RALGPS2: variants seen among roughly 807,000 people sequenced by gnomAD.
The protein encoded by RALGPS2 is ras-specific guanine nucleotide-releasing factor RalGPS2.
RALGPS2 carries 43 observed loss-of-function variants against 86.8 expected under a neutral mutation model. The observed-to-expected ratio is 0.50, with a 90% confidence interval of 0.39 to 0.64. RALGPS2 has a LOEUF of 0.64. Ranked by LOEUF, RALGPS2 falls within the 30% of genes least tolerant of loss-of-function variation. The probability of loss-of-function intolerance (pLI) is 0.00; values close to 1 mark genes in which losing one functional copy is unlikely to be tolerated. For missense variants in RALGPS2, 536 were observed against 694.6 expected (o/e 0.77, Z 2.57); for synonymous variants, 243 against 231.3 (o/e 1.05, Z -0.46).
In RALGPS2 at chr1:178,921,251, A is replaced by C. The variant is rs1035438445; in HGVS notation, c.*4892A>C. 2 of 152,064 alleles carry C rather than the reference A, an allele frequency of 1.3e-5. No homozygotes were observed. The highest frequency in any genetic ancestry group is 4.8e-5 in the African/African-American group (2 of 41,432). The allele number at this position is 152,064 out of a possible 1,614,324, so 9.4% of individuals were successfully genotyped here. On this transcript the variant is annotated 3_prime_UTR_variant, in exon 20 of 20. Transcript: ENST00000367635. The stretch of plus-strand genomic sequence containing the variant: ...TGGGATTAAAAGAATACATAATTAC[A>C]GTGTTTTGGGATTGGGCTCTTTTTT...
chr1:178,736,750 A>C (rs1012154302), intron 1 of RALGPS2, among the ~76,000 whole-genome samples: 7 of 152,016 alleles, frequency 4.6e-5, no homozygotes, highest in African/African-American at 1.7e-4. Flanking sequence ...AAATGCAAAA[A>C]ATTAGCCAGG....
rs1647270749 is a variant in RALGPS2 at position 178,920,730 on chromosome 1, T to C, written c.*4371T>C. The stretch of plus-strand genomic sequence containing the variant: ...GTTGATGTTTTGAGCATACATTTAA[T>C]TGTAAGGCCTTTTGGAAAAGCCCTA... On this transcript the variant is annotated 3_prime_UTR_variant, in exon 20 of 20. Transcript: ENST00000367635. 6.6e-6 allele frequency: 1 copy of C among 152,192 alleles called. No homozygotes were observed. The highest frequency in any genetic ancestry group is 2.1e-4 in the South Asian group (1 of 4,826). The allele number at this position is 152,192 out of a possible 1,614,324, so 9.4% of individuals were successfully genotyped here.
chr1:178,788,666 A>C (rs1653786117), intron 4 of RALGPS2, among the ~76,000 whole-genome samples: 1 of 152,140 alleles, frequency 6.6e-6, no homozygotes, highest in Non-Finnish European at 1.5e-5. Flanking sequence ...CTAGAAGATG[A>C]GAGGTAGGGT....
intron 8 of RALGPS2, among the ~76,000 whole-genome samples, chr1:178,840,408 A>G (rs1390906265): frequency 2.0e-5 from 3 of 152,238 alleles, no homozygotes; most frequent in Admixed American, 6.5e-5. Flanking sequence ...ACTACTGGGT[A>G]CATAACAAAA....
At chr1:178,791,636 C>T (rs145934765) in intron 4 of RALGPS2, among the ~76,000 whole-genome samples, 1 of 152,256 alleles carries the variant, frequency 6.6e-6, no homozygotes, top group East Asian at 1.9e-4. Flanking sequence ...TTCTGAGTTA[C>T]GTATAATATA....
At chr1:178,826,888 T>C (rs1439201635) in intron 7 of RALGPS2, among the ~76,000 whole-genome samples, 2 of 152,144 alleles carry the variant, frequency 1.3e-5, no homozygotes, top group Non-Finnish European at 2.9e-5. Context: ...TTACAGGAAG[T>C]CATTAACAAA....
chr1:178,860,571 AT>A (rs911074694), intron 8 of RALGPS2, among the ~76,000 whole-genome samples: 9 of 152,264 alleles, frequency 5.9e-5, no homozygotes, highest in African/African-American at 2.2e-4. Flanking sequence ...AACTGTAACT[AT>A]TAAATAACCA....
rs145982526 is a variant in RALGPS2 at position 178,786,772 on chromosome 1, A to G, written c.213+1165A>G. On this transcript the variant is annotated intron_variant, in intron 4 of 19. Transcript: ENST00000367635. ...ATTTTAGTTCTTTCGGGAACAAAAT[A>G]TAGTGTATTCATTGTGCTATATACA... Among the ~76,000 whole-genome samples the G allele has an allele frequency of 4.0e-4, 61 of 152,200 alleles. No individual in the cohort carries two copies. The Middle Eastern group carries it at 0.01, about 25-fold the overall frequency.
intron 1 of RALGPS2, among the ~76,000 whole-genome samples, chr1:178,748,491 G>A (rs1388467008): frequency 6.6e-6 from 1 of 152,106 alleles, no homozygotes; most frequent in East Asian, 1.9e-4. Context: ...CAATATAAAG[G>A]AATGAACTAT....
At chr1:178,853,888 T>G (rs1277951722) in intron 8 of RALGPS2, 3 of 842,728 alleles carry the variant, frequency 3.6e-6, no homozygotes, top group Non-Finnish European at 5.2e-6. Context: ...TTGTTTACAG[T>G]TACCATTGTT....
intron 4 of RALGPS2, among the ~76,000 whole-genome samples, chr1:178,791,019 G>T (rs1306840461): frequency 6.6e-6 from 1 of 152,086 alleles, no homozygotes; most frequent in East Asian, 1.9e-4. Context: ...TTTTATGTTT[G>T]TGTCCATTAT....
intron 1 of RALGPS2, 112 bp from the exon 2 acceptor site, chr1:178,776,570 A>T: frequency 2.2e-6 from 1 of 445,570 alleles, no homozygotes; most frequent in Non-Finnish European, 4.0e-6. Context: ...CTAAGATAAT[A>T]AATAGAGTTT....
intron 16 of RALGPS2, among the ~76,000 whole-genome samples, chr1:178,896,227 A>G (rs968586230): frequency 9.2e-5 from 14 of 152,056 alleles, no homozygotes; most frequent in Non-Finnish European, 2.1e-4. Context: ...AAATGAGTTA[A>G]GTAGAAAATG....
At chr1:178,766,525 A>T (rs935667782) in intron 1 of RALGPS2, among the ~76,000 whole-genome samples, 2 of 152,056 alleles carry the variant, frequency 1.3e-5, no homozygotes, top group African/African-American at 4.8e-5. Flanking sequence ...CACCGCACCT[A>T]GTCAGTGTGT....
intron 18 of RALGPS2, among the ~76,000 whole-genome samples, chr1:178,905,487 G>A (rs776713686): frequency 6.0e-4 from 91 of 152,274 alleles, no homozygotes; most frequent in Admixed American, 1.1e-3. Context: ...TTCAGCAAGT[G>A]TAACGGTGTT....
At chr1:178,853,761 T>A (rs1000561357) in intron 8 of RALGPS2, 2 of 1,603,800 alleles carry the variant, frequency 1.2e-6, no homozygotes, top group Admixed American at 1.7e-5. Context: ...CCAGCTTCTT[T>A]TGCTTGCTGA....
At chr1:178,886,209 CAG>C in intron 13 of RALGPS2, 89 bp downstream of exon 13, 1 of 1,363,892 alleles carries the variant, frequency 7.3e-7, no homozygotes, top group African/African-American at 1.5e-5. Context: ...CACCCACACA[CAG>C]AGAAAATTTG....
At chr1:178,826,663 A>G (rs569133245) in intron 7 of RALGPS2, among the ~76,000 whole-genome samples, 6 of 152,176 alleles carry the variant, frequency 3.9e-5, no homozygotes, top group Non-Finnish European at 5.9e-5. Context: ...TCCCCCTGAA[A>G]ATGGTTAATT....
rs147293697 is a variant in RALGPS2 at position 178,774,057 on chromosome 1, A to G, written c.-83-2625A>G. 2.5e-3 allele frequency among the ~76,000 whole-genome samples: 383 copies of G among 152,256 alleles called. 4 individuals are homozygous for G. Among genetic ancestry groups the G allele is most frequent in the East Asian group, 0.015 (77 of 5,170 alleles). On this transcript the variant is annotated intron_variant, in intron 1 of 19. Coordinates refer to ENST00000367635, the MANE Select transcript of RALGPS2 (RefSeq NM_152663.5). ...AGAGTTCGAGACCAGCCTGGCCAAC[A>G]TGGTGAAACCCTGTCTCTACAGCCT...
Sources: gnomAD v4.1 joint callset for allele counts (sites outside exome capture counted in the v4.1 genomes callset) on GRCh38, gnomAD v4.1.1 for gene constraint, MANE v1.5 for transcripts, NCBI Gene and HGNC (gene_info 2026-07-23, HGNC 2026-07-21) for gene names.